Variants in PTPRD observed in about 807,000 individuals in gnomAD.
PTPRD encodes receptor-type tyrosine-protein phosphatase delta.
A neutral mutation model predicts 214.5 loss-of-function variants in PTPRD; 34 were observed. The ratio of observed to expected loss-of-function variants is 0.16; its 90% CI spans 0.12 to 0.21. The LOEUF is 0.21. Ranked by LOEUF, PTPRD falls within the 10% of genes least tolerant of loss-of-function variation. The pLI, the probability that PTPRD is intolerant of heterozygous loss-of-function variation, is 1.00. For missense variants in PTPRD, 2,545 were observed against 2,398.7 expected (o/e 1.06, Z -1.27); for synonymous variants, 1,128 against 845.7 (o/e 1.33, Z -5.79).
intron 14 of PTPRD, among the ~76,000 whole-genome samples, chr9:8,594,223 T>C (rs1390421600): frequency 1.3e-5 from 2 of 152,148 alleles, no homozygotes; most frequent in African/African-American, 4.8e-5. Flanking sequence ...CTTTAAATGT[T>C]TTATCCTCTA....
rs71270610 is a variant in PTPRD, at chr9:10,363,991, G to GTTTTTTTTTTTTTTT, written c.-599-22989_-599-22975dup. ...ATTATTATTGCCTCCACATTTTCGG[G>GTTTTTTTTTTTTTTT]TTTTTTTTTTTTTTTTTTTTTTTTT... is the stretch of plus-strand genomic sequence containing the variant. On this transcript the variant is annotated intron_variant, in intron 2 of 45. Transcript: ENST00000381196. Among the ~76,000 whole-genome samples, 13 of 35,124 alleles carry GTTTTTTTTTTTTTTT rather than the reference G, an allele frequency of 3.7e-4. 3 individuals are homozygous for GTTTTTTTTTTTTTTT. Among genetic ancestry groups the GTTTTTTTTTTTTTTT allele is most frequent in the African/African-American group, 4.9e-4 (4 of 8,104 alleles). The allele number at this position is 35,124 out of a possible 152,430, so 23.0% of individuals were successfully genotyped here. A position where few individuals can be genotyped will look rare whatever the true frequency, so the allele number is the denominator to read the frequency against.
At chr9:9,955,782 A>G (rs1422602096) in intron 4 of PTPRD, among the ~76,000 whole-genome samples, 1 of 152,118 alleles carries the variant, frequency 6.6e-6, no homozygotes, top group East Asian at 1.9e-4. Flanking sequence ...TCGGCCTCCC[A>G]AAGTGCTGGG....
At chr9:8,615,829 A>T (rs907388075) in intron 14 of PTPRD, among the ~76,000 whole-genome samples, 1 of 152,118 alleles carries the variant, frequency 6.6e-6, no homozygotes, top group African/African-American at 2.4e-5. Flanking sequence ...CCTTTCTTGC[A>T]TTCTAAAGAG....
chr9:9,021,061 C>G (rs908348157), intron 10 of PTPRD, among the ~76,000 whole-genome samples: 3 of 152,046 alleles, frequency 2.0e-5, no homozygotes, highest in Non-Finnish European at 2.9e-5. Flanking sequence ...GCCAATTTAA[C>G]CTTTAAATTA....
At chr9:9,041,115 A>G (rs74373911) in intron 10 of PTPRD, among the ~76,000 whole-genome samples, 2,193 of 152,304 alleles carry the variant, frequency 0.014, 29 homozygotes, top group East Asian at 0.038. Context: ...GATGTATTAT[A>G]TTGTTATAAG....
chr9:8,931,122 T>G (rs565711071), intron 11 of PTPRD, among the ~76,000 whole-genome samples: 145 of 152,184 alleles, frequency 9.5e-4, no homozygotes, highest in African/African-American at 3.4e-3. Flanking sequence ...TTAATCCATC[T>G]TGAATTAATT....
chr9:9,039,532 C>T (rs1290730632), intron 10 of PTPRD, among the ~76,000 whole-genome samples: 1 of 152,268 alleles, frequency 6.6e-6, no homozygotes, highest in Admixed American at 6.5e-5. Context: ...TGGAACACAA[C>T]CATTGCCATT....
At chr9:8,675,100 G>A (rs538154868) in intron 12 of PTPRD, among the ~76,000 whole-genome samples, 2 of 152,126 alleles carry the variant, frequency 1.3e-5, no homozygotes, top group African/African-American at 4.8e-5. Context: ...AGCATTAAGT[G>A]GATGTCGCAT....
At chr9:9,967,607 A>G (rs1443728419) in intron 4 of PTPRD, among the ~76,000 whole-genome samples, 2 of 152,200 alleles carry the variant, frequency 1.3e-5, no homozygotes, top group Non-Finnish European at 2.9e-5. Flanking sequence ...CATGAGGTTC[A>G]TAGGGTTTAA....
intron 11 of PTPRD, among the ~76,000 whole-genome samples, chr9:8,883,892 A>C (rs565792407): frequency 3.3e-5 from 5 of 152,230 alleles, no homozygotes; most frequent in Non-Finnish European, 7.3e-5. Flanking sequence ...ATATACATTC[A>C]AGAATCTTCA....
chr9:9,853,391 T>C (rs1176654156), intron 5 of PTPRD, among the ~76,000 whole-genome samples: 1 of 152,190 alleles, frequency 6.6e-6, no homozygotes, highest in Non-Finnish European at 1.5e-5. Context: ...ACAACATTCT[T>C]GTTTCAGGAC....
intron 10 of PTPRD, among the ~76,000 whole-genome samples, chr9:9,024,329 C>A (rs547952804): frequency 1.6e-5 from 2 of 126,768 alleles, no homozygotes; most frequent in South Asian, 2.6e-4. Flanking sequence ...AGGCTATTGT[C>A]GATTCTTTGT....
chr9:8,393,354 G>T (rs1217791547), intron 36 of PTPRD, among the ~76,000 whole-genome samples: 1 of 152,136 alleles, frequency 6.6e-6, no homozygotes, highest in African/African-American at 2.4e-5. Flanking sequence ...TAAATTAGGT[G>T]ATTGCTTTTC....
chr9:9,025,220 T>A (rs553927244), intron 10 of PTPRD, among the ~76,000 whole-genome samples: 11 of 151,970 alleles, frequency 7.2e-5, no homozygotes, highest in East Asian at 1.9e-4. Context: ...TGGGACTAAG[T>A]TTTTCTTGAC....
chr9:10,499,733 T>C (rs1397478783), intron 2 of PTPRD, among the ~76,000 whole-genome samples: 2 of 150,704 alleles, frequency 1.3e-5, no homozygotes, highest in East Asian at 3.9e-4. Context: ...TCCTCTTCCC[T>C]TGATTTAAGA....
chr9:8,911,014 T>C (rs756262535), intron 11 of PTPRD, among the ~76,000 whole-genome samples: 1 of 152,206 alleles, frequency 6.6e-6, no homozygotes, highest in South Asian at 2.1e-4. Context: ...AAAATGGTCA[T>C]TCTCGTTCAA....
At chr9:8,810,009 G>A (rs1023630219) in intron 11 of PTPRD, among the ~76,000 whole-genome samples, 2 of 152,100 alleles carry the variant, frequency 1.3e-5, no homozygotes, top group Non-Finnish European at 2.9e-5. Context: ...AGACAATGTG[G>A]GCCAATTCAT....
At chr9:9,504,241 A>T (rs536787444) in intron 8 of PTPRD, among the ~76,000 whole-genome samples, 1 of 151,764 alleles carries the variant, frequency 6.6e-6, no homozygotes, top group South Asian at 2.1e-4. Context: ...GTACTTTCTA[A>T]GTTTTTGCTC....
intron 3 of PTPRD, among the ~76,000 whole-genome samples, chr9:10,202,238 T>C (rs1468292685): frequency 1.3e-5 from 2 of 152,064 alleles, no homozygotes; most frequent in Non-Finnish European, 2.9e-5. Context: ...AGTTTGGGCT[T>C]ATTACAAAAA....
Sources: gnomAD v4.1 joint callset for allele counts (sites outside exome capture counted in the v4.1 genomes callset) on GRCh38, gnomAD v4.1.1 for gene constraint, MANE v1.5 for transcripts, NCBI Gene and HGNC (gene_info 2026-07-23, HGNC 2026-07-21) for gene names.